The following NR3C2 variants were observed in gnomAD, a reference collection of about 807,000 sequenced individuals.
The protein encoded by NR3C2 is nuclear receptor subfamily 3 group C member 2, also known as mineralocorticoid receptor.
Under a neutral mutation model 86.4 loss-of-function variants are expected in NR3C2, and 15 were observed. That is an observed-to-expected ratio of 0.17 (90% CI 0.12 to 0.27). The LOEUF (loss-of-function observed/expected upper bound fraction) is 0.27, where lower values mean the gene tolerates loss of function less well. NR3C2 is among the 10% of genes least tolerant of loss of function. The probability of loss-of-function intolerance (pLI) is 1.00; values close to 1 mark genes in which losing one functional copy is unlikely to be tolerated. For missense variants in NR3C2, 960 were observed against 1,195.6 expected (o/e 0.80, Z 2.91); for synonymous variants, 458 against 450.5 (o/e 1.02, Z -0.21).
chr4:148,419,796 T>A (rs367621738), intron 2 of NR3C2, among the ~76,000 whole-genome samples: 2 of 152,108 alleles, frequency 1.3e-5, no homozygotes, highest in African/African-American at 4.8e-5. Flanking sequence ...TTTCCAATCA[T>A]TAATTTTCTG....
intron 3 of NR3C2, among the ~76,000 whole-genome samples, chr4:148,232,868 A>T (rs979524231): frequency 2.0e-5 from 3 of 152,206 alleles, no homozygotes; most frequent in African/African-American, 7.2e-5. Flanking sequence ...TTGGAGACAG[A>T]TTCTTTTCTT....
At chr4:148,444,891 C>G (rs1750509450), upstream of NR3C2, 1 of 984,896 alleles carries the variant, frequency 1.0e-6, no homozygotes, top group Admixed American at 6.2e-5. Context: ...CCCGCGCCCG[C>G]CGCTCCGCAG....
intron 2 of NR3C2, among the ~76,000 whole-genome samples, chr4:148,348,433 C>T (rs17581787): frequency 0.1 from 15,257 of 152,150 alleles, 936 homozygotes; most frequent in Middle Eastern, 0.29. Context: ...GAGCATAGGA[C>T]GTGCTCAGAA....
At chr4:148,106,136 CCTT>C (rs1355915871) in intron 8 of NR3C2, among the ~76,000 whole-genome samples, 1 of 152,188 alleles carries the variant, frequency 6.6e-6, no homozygotes, top group Non-Finnish European at 1.5e-5. Context: ...GCCAAAATCT[CCTT>C]AAGCTGATAA....
intron 2 of NR3C2, among the ~76,000 whole-genome samples, chr4:148,402,211 G>C (rs1748204341): frequency 6.6e-6 from 1 of 152,118 alleles, no homozygotes; most frequent in Non-Finnish European, 1.5e-5. Context: ...TACCTTCTAG[G>C]CTTTGAATTC....
At chr4:148,118,817 T>C (rs1340583237) in intron 7 of NR3C2, among the ~76,000 whole-genome samples, 3 of 152,174 alleles carry the variant, frequency 2.0e-5, no homozygotes, top group Non-Finnish European at 4.4e-5. Flanking sequence ...TTCATTTCCC[T>C]TCCTAGGCAG....
chr4:148,142,308 G>A (rs1343996902), intron 6 of NR3C2, among the ~76,000 whole-genome samples: 1 of 152,176 alleles, frequency 6.6e-6, no homozygotes, highest in Non-Finnish European at 1.5e-5. Context: ...AGAAAACAGA[G>A]ATGTGATCGA....
At chr4:148,134,643 CTTTTTT>C (rs1175816621) in intron 6 of NR3C2, among the ~76,000 whole-genome samples, 2 of 40,804 alleles carry the variant, frequency 4.9e-5, no homozygotes, top group African/African-American at 8.5e-5. Flanking sequence ...CTCTCTCTCT[CTTTTTT>C]TTTTTTTTTT....
At chr4:148,369,292 GA>G (rs61762847) in intron 2 of NR3C2, among the ~76,000 whole-genome samples, 2 of 152,084 alleles carry the variant, frequency 1.3e-5, no homozygotes, top group Non-Finnish European at 2.9e-5. Context: ...GATCTCTTTA[GA>G]AAGTTTGTTT....
At chr4:148,351,949 A>G (rs755411483) in intron 2 of NR3C2, among the ~76,000 whole-genome samples, 2 of 152,126 alleles carry the variant, frequency 1.3e-5, no homozygotes, top group Non-Finnish European at 2.9e-5. Flanking sequence ...CAGTATCCTA[A>G]ACTCAGGATA....
chr4:148,225,639 G>A (rs1738116152), intron 3 of NR3C2, among the ~76,000 whole-genome samples: 1 of 152,166 alleles, frequency 6.6e-6, no homozygotes, highest in East Asian at 1.9e-4. Context: ...AATAATTAGA[G>A]CTTTTTTGAA....
At chr4:148,334,607 T>G (rs188759044) in intron 2 of NR3C2, among the ~76,000 whole-genome samples, 16 of 152,266 alleles carry the variant, frequency 1.1e-4, no homozygotes, top group Admixed American at 9.8e-4. Context: ...ATTCTGGCAT[T>G]GATGTGGCCA....
intron 4 of NR3C2, among the ~76,000 whole-genome samples, chr4:148,174,849 G>A (rs1414446109): frequency 6.6e-6 from 1 of 152,114 alleles, no homozygotes; most frequent in African/African-American, 2.4e-5. Context: ...TTCAGTGCTT[G>A]TCCTCTCCAA....
intron 2 of NR3C2, among the ~76,000 whole-genome samples, chr4:148,358,985 CAG>C (rs1745706870): frequency 7.3e-6 from 1 of 136,666 alleles, no homozygotes; most frequent in Non-Finnish European, 1.6e-5. Context: ...CACACACACA[CAG>C]AGTGCAAGAA....
At position 148,295,171 on chromosome 4, in the gene NR3C2, G is replaced by C. The variant is rs528365474; in HGVS notation, c.1758-35054C>G. 8.5e-5 allele frequency among the ~76,000 whole-genome samples: 13 copies of C among 152,096 alleles called. No homozygotes were observed. The South Asian group carries it at 2.7e-3, about 32-fold the overall frequency. ...GGATTTTGTATTTTGCCTGATCTTA[G>C]ACATTCTACAAAATGAAAGTTTTTC... On this transcript the variant is annotated intron_variant, in intron 2 of 8. Coordinates refer to ENST00000358102, the MANE Select transcript of NR3C2 (RefSeq NM_000901.5).
chr4:148,144,208 T>TTTTC (rs1733757186), intron 6 of NR3C2, among the ~76,000 whole-genome samples: 2 of 151,876 alleles, frequency 1.3e-5, no homozygotes, highest in Non-Finnish European at 2.9e-5. Flanking sequence ...AATGACTTTT[T>TTTTC]TTTTCTTTCT....
At position 148,406,419 on chromosome 4, in the gene NR3C2, C is replaced by T. The variant is rs1234034085; in HGVS notation, c.1757+28685G>A. ...TTAAGCTGATCCCTGGAGTTCTAGC[C>T]GATAGGACGCAGACGTGAGCAAGGA... On this transcript the variant is annotated intron_variant, in intron 2 of 8. Transcript: ENST00000358102. Among the ~76,000 whole-genome samples the T allele has an allele frequency of 3.3e-5, 5 of 152,040 alleles. No individual in the cohort carries two copies. In the East Asian group the frequency reaches 7.7e-4, roughly 24 times the overall value.
chr4:148,205,996 C>T (rs766881605), intron 3 of NR3C2, among the ~76,000 whole-genome samples: 31 of 152,060 alleles, frequency 2.0e-4, no homozygotes, highest in Admixed American at 3.9e-4. Context: ...ACTTGTTAGA[C>T]CATATGACAC....
At chr4:148,356,755 AAAAT>A (rs1471433806) in intron 2 of NR3C2, among the ~76,000 whole-genome samples, 1 of 152,182 alleles carries the variant, frequency 6.6e-6, no homozygotes, top group Admixed American at 6.5e-5. Context: ...TCTTGTTACT[AAAAT>A]AAAAATTCAC....
Sources: gnomAD v4.1 joint callset for allele counts (sites outside exome capture counted in the v4.1 genomes callset) on GRCh38, gnomAD v4.1.1 for gene constraint, MANE v1.5 for transcripts, NCBI Gene and HGNC (gene_info 2026-07-23, HGNC 2026-07-21) for gene names.